Variants in NCAM1 observed in about 807,000 individuals in gnomAD.
NCAM1 encodes the protein antigen recognized by monoclonal antibody 5.1H11.
In NCAM1, 14 loss-of-function variants were observed where a neutral mutation model predicts 109.8. The ratio of observed to expected loss-of-function variants is 0.13; its 90% CI spans 0.08 to 0.20. The LOEUF (loss-of-function observed/expected upper bound fraction) is 0.20. Ranked by LOEUF, NCAM1 falls within the 10% of genes least tolerant of loss-of-function variation. NCAM1 has a pLI of 1.00. For synonymous variants in NCAM1, 418 were observed against 442.9 expected, an observed-to-expected ratio of 0.94 and a Z score of 0.70; for missense variants, 774 against 1,109.9, an observed-to-expected ratio of 0.70 and a Z score of 4.30.
At chr11:113,245,731 A>G (rs1591454703) in intron 14 of NCAM1, among the ~76,000 whole-genome samples, 1 of 152,168 alleles carries the variant, frequency 6.6e-6, no homozygotes, top group Non-Finnish European at 1.5e-5. Flanking sequence ...CATTCAGCCC[A>G]TACTCCCCTC....
intron 1 of NCAM1, among the ~76,000 whole-genome samples, chr11:113,170,597 A>G (rs573100773): frequency 6.6e-6 from 1 of 152,314 alleles, no homozygotes; most frequent in African/African-American, 2.4e-5. Flanking sequence ...GAGGGAAGTG[A>G]AGGAAGAAGA....
intron 1 of NCAM1, among the ~76,000 whole-genome samples, chr11:112,966,861 C>T (rs1377762132): frequency 7.9e-5 from 12 of 152,226 alleles, no homozygotes; most frequent in Non-Finnish European, 1.5e-4. Flanking sequence ...GTTGGGTAGA[C>T]ACACTTTTCC....
intron 19 of NCAM1, chr11:113,272,797 G>T: frequency 5.0e-6 from 2 of 403,012 alleles, no homozygotes. Context: ...CTCTCTGTGG[G>T]CCTGTGTCCG....
intron 1 of NCAM1, among the ~76,000 whole-genome samples, chr11:113,011,036 T>C (rs1952035909): frequency 6.6e-6 from 1 of 151,066 alleles, no homozygotes; most frequent in African/African-American, 2.4e-5. Context: ...TATGTATACA[T>C]GTGCCATGCT....
intron 1 of NCAM1, among the ~76,000 whole-genome samples, chr11:113,192,409 G>C (rs1237883893): frequency 2.0e-4 from 14 of 69,728 alleles, no homozygotes; most frequent in African/African-American, 8.3e-4. Context: ...GCTTAGACAA[G>C]GGAAAGAACA....
intron 9 of NCAM1, among the ~76,000 whole-genome samples, chr11:113,223,722 A>T (rs1466501623): frequency 6.6e-6 from 1 of 152,140 alleles, no homozygotes; most frequent in Admixed American, 6.5e-5. Context: ...AAAGAATTTT[A>T]GTTCAGTTGC....
At chr11:113,246,072 T>G (rs1323042715) in intron 14 of NCAM1, 4 of 491,638 alleles carry the variant, frequency 8.1e-6, no homozygotes, top group Non-Finnish European at 1.1e-5. Context: ...CTTATTGGTG[T>G]TGTTAACCAA....
At chr11:113,065,516 A>G (rs1459415465) in intron 1 of NCAM1, among the ~76,000 whole-genome samples, 1 of 152,210 alleles carries the variant, frequency 6.6e-6, no homozygotes, top group Non-Finnish European at 1.5e-5. Context: ...AACCGTTGAT[A>G]GTATGTAGAC....
rs186492225 is a variant in NCAM1, at chr11:113,275,131, T to C, written c.2457-136T>C. ...TGATTTTTAGTGCTCCCAGGTGATT[T>C]GACGGGCAGAGGTTGGAGCCGGGTG... On this transcript the variant is annotated intron_variant, in intron 19 of 19. Coordinates refer to ENST00000316851, the MANE Select transcript of NCAM1 (RefSeq NM_181351.5). 5.9e-5 allele frequency: 70 copies of C among 1,181,754 alleles called. No homozygotes were observed. The African/African-American group carries it at 9.9e-4, about 17-fold the overall frequency. The allele number at this position is 1,181,754 out of a possible 1,614,324, so 73.2% of individuals were successfully genotyped here.
intron 1 of NCAM1, among the ~76,000 whole-genome samples, chr11:113,169,131 C>A (rs1942908616): frequency 6.6e-6 from 1 of 151,290 alleles, no homozygotes; most frequent in Admixed American, 6.6e-5. Flanking sequence ...AAGTAACAGC[C>A]AGCTTGGGAA....
intron 1 of NCAM1, among the ~76,000 whole-genome samples, chr11:113,128,876 G>T (rs1941281618): frequency 6.6e-6 from 1 of 151,022 alleles, no homozygotes; most frequent in South Asian, 2.1e-4. Flanking sequence ...CCTGCAATTG[G>T]AGAGTAACTA....
chr11:113,275,231 T>C (rs782538658), intron 19 of NCAM1, 36 bp from the exon 20 acceptor site: 2 of 1,612,012 alleles, frequency 1.2e-6, no homozygotes, highest in Admixed American at 1.7e-5. Context: ...CTGCAGACCG[T>C]GGTCTCAGTG....
intron 8 of NCAM1, among the ~76,000 whole-genome samples, chr11:113,216,887 G>T (rs1944547509): frequency 6.6e-6 from 1 of 152,178 alleles, no homozygotes; most frequent in African/African-American, 2.4e-5. Context: ...TTCATGAACT[G>T]GTTGGAGTAC....
chr11:113,083,190 G>A (rs189423124), intron 1 of NCAM1, among the ~76,000 whole-genome samples: 13 of 152,098 alleles, frequency 8.5e-5, no homozygotes, highest in Middle Eastern at 3.4e-3. Context: ...CTTTTCCTAC[G>A]TGCCATACAC....
intron 1 of NCAM1, among the ~76,000 whole-genome samples, chr11:113,165,817 A>AT (rs5794848): frequency 0.72 from 104,054 of 145,196 alleles, 37,376 homozygotes; most frequent in South Asian, 0.79. Flanking sequence ...AAACCGACTG[A>AT]TTTTTTTTTT....
chr11:113,090,833 C>T (rs1258510644), intron 1 of NCAM1, among the ~76,000 whole-genome samples: 1 of 152,170 alleles, frequency 6.6e-6, no homozygotes, highest in Non-Finnish European at 1.5e-5. Flanking sequence ...GTTTGTTCAG[C>T]AAATGCTTAC....
intron 14 of NCAM1, chr11:113,240,691 C>T: frequency 8.5e-7 from 1 of 1,173,346 alleles, no homozygotes; most frequent in South Asian, 1.2e-5. Flanking sequence ...GCTCCTCATA[C>T]TGATGCCCCA....
chr11:113,031,930 T>TTTTG (rs1233478410), intron 1 of NCAM1, among the ~76,000 whole-genome samples: 1 of 151,974 alleles, frequency 6.6e-6, no homozygotes, highest in African/African-American at 2.4e-5. Context: ...ATTATCATCG[T>TTTTG]TTTGTTTGTT....
intron 16 of NCAM1, among the ~76,000 whole-genome samples, chr11:113,256,798 A>G (rs1162547364): frequency 6.6e-6 from 1 of 152,232 alleles, no homozygotes; most frequent in African/African-American, 2.4e-5. Flanking sequence ...ACTATAACCA[A>G]TGGCTGAGAG....
Sources: gnomAD v4.1 joint callset for allele counts (sites outside exome capture counted in the v4.1 genomes callset) on GRCh38, gnomAD v4.1.1 for gene constraint, MANE v1.5 for transcripts, NCBI Gene and HGNC (gene_info 2026-07-23, HGNC 2026-07-21) for gene names.